Variants in MARCHF11 observed in about 807,000 individuals in gnomAD.
MARCHF11 encodes the protein E3 ubiquitin-protein ligase MARCHF11.
In MARCHF11, 29 loss-of-function variants were observed where a neutral mutation model predicts 37.3. The ratio of observed to expected loss-of-function variants is 0.78; its 90% confidence interval spans 0.58 to 1.06. MARCHF11 has a LOEUF of 1.06. Among genes scored for constraint, MARCHF11 ranks in the 50% least tolerant of loss-of-function variants. MARCHF11 has a pLI of 0.00. For missense variants in MARCHF11, 482 were observed against 533.4 expected, an observed-to-expected ratio of 0.90 and a Z score of 0.95; for synonymous variants, 233 against 228.0, an observed-to-expected ratio of 1.02 and a Z score of -0.20.
intron 2 of MARCHF11, among the ~76,000 whole-genome samples, chr5:16,162,430 T>C (rs890618873): frequency 4.6e-5 from 7 of 152,000 alleles, no homozygotes; most frequent in Non-Finnish European, 8.8e-5. Context: ...CCATAGTAAA[T>C]ATTCACTAGC....
intron 2 of MARCHF11, among the ~76,000 whole-genome samples, chr5:16,162,499 A>G (rs1160679365): frequency 6.6e-6 from 1 of 152,082 alleles, no homozygotes; most frequent in Non-Finnish European, 1.5e-5. Context: ...TTCAAAGATC[A>G]TGGATTGGTA....
At chr5:16,101,656 T>G (rs1736960280) in intron 2 of MARCHF11, among the ~76,000 whole-genome samples, 2 of 152,234 alleles carry the variant, frequency 1.3e-5, no homozygotes, top group Non-Finnish European at 2.9e-5. Flanking sequence ...GGGAGCCCTA[T>G]CTAACTAATT....
chr5:16,075,375 T>A (rs1169303475), intron 3 of MARCHF11, among the ~76,000 whole-genome samples: 1 of 152,220 alleles, frequency 6.6e-6, no homozygotes, highest in Admixed American at 6.5e-5. Flanking sequence ...GTACTCAAAA[T>A]CAATCTTTCC....
chr5:16,100,283 C>A (rs1484905436), intron 2 of MARCHF11, among the ~76,000 whole-genome samples: 1 of 152,102 alleles, frequency 6.6e-6, no homozygotes, highest in Non-Finnish European at 1.5e-5. Flanking sequence ...GTGAAGTGGA[C>A]ACGGGAGTAG....
At chr5:16,150,305 T>C (rs1737870026) in intron 2 of MARCHF11, among the ~76,000 whole-genome samples, 1 of 149,382 alleles carries the variant, frequency 6.7e-6, no homozygotes, top group Admixed American at 6.6e-5. Flanking sequence ...GTGAGAGTCT[T>C]GTCTTTCCAG....
intron 2 of MARCHF11, among the ~76,000 whole-genome samples, chr5:16,126,212 T>C (rs1480017208): frequency 1.3e-5 from 2 of 152,082 alleles, no homozygotes; most frequent in African/African-American, 4.8e-5. Flanking sequence ...GGTTTTAAGC[T>C]GGGGTAGTGA....
intron 2 of MARCHF11, among the ~76,000 whole-genome samples, chr5:16,166,802 A>G (rs1738176117): frequency 6.6e-6 from 1 of 151,978 alleles, no homozygotes; most frequent in Non-Finnish European, 1.5e-5. Flanking sequence ...ACCCCACTCT[A>G]ATCAAGTATC....
intron 3 of MARCHF11, among the ~76,000 whole-genome samples, chr5:16,086,630 T>G (rs966646682): frequency 1.3e-5 from 2 of 152,216 alleles, no homozygotes; most frequent in African/African-American, 4.8e-5. Context: ...TAACAGAGTT[T>G]TGGTTTGCTG....
intron 3 of MARCHF11, among the ~76,000 whole-genome samples, chr5:16,086,588 T>G (rs188603425): frequency 3.3e-4 from 50 of 152,350 alleles, no homozygotes; most frequent in African/African-American, 1.1e-3. Flanking sequence ...GTACAAGCAC[T>G]ACTATCTCTA....
At chr5:16,101,527 C>T (rs1200691311) in intron 2 of MARCHF11, among the ~76,000 whole-genome samples, 1 of 152,162 alleles carries the variant, frequency 6.6e-6, no homozygotes, top group African/African-American at 2.4e-5. Context: ...TATGATTAGG[C>T]TTAGTAACTA....
At position 16,067,810 on chromosome 5, in the gene MARCHF11, T is replaced by A. The variant is rs1560965098; in HGVS notation, c.887-17A>T. ...CAATGAGACCTAAAATTTGAGAAAA[T>A]AAAAAACCAAAAAGACTGGTGATAA... is the stretch of plus-strand genomic sequence containing the variant. On this transcript the variant is annotated splice_polypyrimidine_tract_variant and intron_variant, in intron 3 of 3. Coordinates refer to ENST00000332432, the MANE Select transcript of MARCHF11 (RefSeq NM_001102562.3). The A allele has an allele frequency of 1.3e-6, 2 of 1,588,304 alleles. No individual in the cohort carries two copies. The highest frequency in any genetic ancestry group is 1.8e-5 in the Admixed American group (1 of 56,594).
chr5:16,076,422 C>T (rs188257503), intron 3 of MARCHF11, among the ~76,000 whole-genome samples: 109 of 152,076 alleles, frequency 7.2e-4, no homozygotes, highest in African/African-American at 2.4e-3. Context: ...AATGAAAGAA[C>T]AAGTCCAATA....
At chr5:16,165,932 G>T (rs771617736) in intron 2 of MARCHF11, among the ~76,000 whole-genome samples, 4 of 152,010 alleles carry the variant, frequency 2.6e-5, no homozygotes, top group Non-Finnish European at 5.9e-5. Context: ...AAATTATTTG[G>T]GAGGCGAGAA....
At position 16,084,654 on chromosome 5, in the gene MARCHF11, A is replaced by C. The variant is rs568861771; in HGVS notation, c.886+6235T>G. On this transcript the variant is annotated intron_variant, in intron 3 of 3. Coordinates refer to ENST00000332432, the MANE Select transcript of MARCHF11 (RefSeq NM_001102562.3). ...CAAGACTCTGTGTCAAAAAAACAAA[A>C]AAAAAAAAGAATTTACATGGATTTA... 1.1e-3 allele frequency among the ~76,000 whole-genome samples: 172 copies of C among 150,568 alleles called. 1 individual carries two copies. Among genetic ancestry groups the C allele is most frequent in the Middle Eastern group, 3.4e-3 (1 of 294 alleles).
intron 3 of MARCHF11, among the ~76,000 whole-genome samples, chr5:16,069,807 C>T (rs1244532970): frequency 6.6e-6 from 1 of 152,090 alleles, no homozygotes; most frequent in African/African-American, 2.4e-5. Context: ...CTTGGACAGA[C>T]TATTACCTTT....
rs902150603 is a variant in MARCHF11, at chr5:16,177,463, A to G, written c.693+263T>C. Among the ~76,000 whole-genome samples the G allele has an allele frequency of 2.6e-5, 4 of 152,244 alleles. No homozygotes were observed. The East Asian group carries it at 7.7e-4, about 29-fold the overall frequency. On this transcript the variant is annotated intron_variant, in intron 2 of 3. Coordinates refer to ENST00000332432, the MANE Select transcript of MARCHF11 (RefSeq NM_001102562.3). ...AGTCATTTTACCAACTTGCCTTTTT[A>G]GAAAAAAGACTGGTATCATTTTATC...
At chr5:16,084,434 G>A (rs1736660119) in intron 3 of MARCHF11, among the ~76,000 whole-genome samples, 1 of 152,156 alleles carries the variant, frequency 6.6e-6, no homozygotes, top group Admixed American at 6.5e-5. Flanking sequence ...CTTGAGGTCA[G>A]GAGTTGAAGG....
intron 2 of MARCHF11, among the ~76,000 whole-genome samples, chr5:16,130,770 T>C (rs1427589251): frequency 1.3e-5 from 2 of 152,176 alleles, no homozygotes; most frequent in Non-Finnish European, 2.9e-5. Flanking sequence ...TTAGCACTAC[T>C]GCCAGGGATC....
In MARCHF11 at chr5:16,179,715, G is replaced by A. The variant is rs1738444150; in HGVS notation, c.-140C>T. The A allele has an allele frequency of 2.4e-6, 1 of 420,840 alleles. No individual in the cohort carries two copies. The highest frequency in any genetic ancestry group is 3.5e-6 in the Non-Finnish European group (1 of 283,610). The allele number at this position is 420,840 out of a possible 1,614,324, so 26.1% of individuals were successfully genotyped here. ...GACGCCTGGGGCTAGGGGGCGGGAC[G>A]GGGAGGGGATGCGGAAGGTTCTGCA... On this transcript the variant is annotated 5_prime_UTR_variant, in exon 1 of 4. Transcript: ENST00000332432.
Sources: allele counts gnomAD v4.1 joint callset (sites outside exome capture counted in the v4.1 genomes callset), GRCh38; gene constraint gnomAD v4.1.1; transcripts MANE v1.5; gene names NCBI Gene and HGNC (gene_info 2026-07-23, HGNC 2026-07-21).